SLC26A7: variants seen among roughly 807,000 people sequenced by gnomAD.
SLC26A7 encodes anion exchange transporter.
A neutral mutation model predicts 82.5 loss-of-function variants in SLC26A7; 59 were observed. The observed-to-expected ratio is 0.72, with a 90% CI of 0.58 to 0.89. The LOEUF (loss-of-function observed/expected upper bound fraction) is 0.89, where lower values mean the gene tolerates loss of function less well. Ranked by LOEUF, SLC26A7 falls within the 40% of genes least tolerant of loss-of-function variation. The pLI is 0.00. For missense variants in SLC26A7, 820 were observed against 793.0 expected (o/e 1.03, Z -0.41); for synonymous variants, 271 against 274.3 (o/e 0.99, Z 0.12).
chr8:91,267,689 A>G (rs1219056830), intron 2 of SLC26A7, among the ~76,000 whole-genome samples: 1 of 151,690 alleles, frequency 6.6e-6, no homozygotes, highest in African/African-American at 2.4e-5. Flanking sequence ...AATTTTGTCT[A>G]TCTTTAAGAA....
At chr8:91,367,359 G>A (rs1269944573) in intron 14 of SLC26A7, among the ~76,000 whole-genome samples, 1 of 152,182 alleles carries the variant, frequency 6.6e-6, no homozygotes, top group Non-Finnish European at 1.5e-5. Flanking sequence ...CTCTAAACGT[G>A]ATAGAATATG....
chr8:91,389,584 A>G (rs1273055120), intron 16 of SLC26A7, 146 bp downstream of exon 16: 1 of 669,346 alleles, frequency 1.5e-6, no homozygotes, highest in African/African-American at 1.8e-5. Context: ...AACTTTGCCT[A>G]CCATCACTGT....
At chr8:91,253,340 C>T (rs1810711008) in intron 2 of SLC26A7, among the ~76,000 whole-genome samples, 1 of 152,122 alleles carries the variant, frequency 6.6e-6, no homozygotes, top group South Asian at 2.1e-4. Flanking sequence ...TAGCATACGA[C>T]CAGCTGCCAG....
intron 15 of SLC26A7, among the ~76,000 whole-genome samples, chr8:91,388,633 G>A (rs1265511990): frequency 6.6e-6 from 1 of 152,084 alleles, no homozygotes; most frequent in Admixed American, 6.5e-5. Flanking sequence ...CTCCTCGGAG[G>A]GACCCCAAAT....
chr8:91,274,886 G>A (rs1211262239), intron 2 of SLC26A7, among the ~76,000 whole-genome samples: 1 of 152,160 alleles, frequency 6.6e-6, no homozygotes, highest in Non-Finnish European at 1.5e-5. Flanking sequence ...AAACAATTCG[G>A]TTAGACAAAT....
At chr8:91,212,524 G>T (rs1407453486) in intron 1 of SLC26A7, among the ~76,000 whole-genome samples, 2 of 152,112 alleles carry the variant, frequency 1.3e-5, no homozygotes, top group African/African-American at 4.8e-5. Flanking sequence ...ATGAAAATTT[G>T]TAACTTTAAT....
chr8:91,383,046 G>T (rs921248013), intron 15 of SLC26A7, among the ~76,000 whole-genome samples: 1 of 152,172 alleles, frequency 6.6e-6, no homozygotes, highest in East Asian at 1.9e-4. Context: ...TTAAAATTGA[G>T]ATTCAAGAGG....
At chr8:91,389,204 A>T in intron 15 of SLC26A7, 134 bp from the exon 16 acceptor site, 1 of 657,312 alleles carries the variant, frequency 1.5e-6, no homozygotes, top group South Asian at 1.9e-5. Flanking sequence ...TTTACTGAAA[A>T]ATGTAAAAAT....
At chr8:91,271,590 CTTTTTT>C (rs67904308) in intron 2 of SLC26A7, among the ~76,000 whole-genome samples, 1 of 113,716 alleles carries the variant, frequency 8.8e-6, no homozygotes, top group Non-Finnish European at 1.8e-5. Context: ...CTAGAGAAAT[CTTTTTT>C]TTTTTTTTTT....
intron 2 of SLC26A7, among the ~76,000 whole-genome samples, chr8:91,219,591 T>G (rs1047597934): frequency 1.3e-5 from 2 of 152,174 alleles, no homozygotes; most frequent in Non-Finnish European, 2.9e-5. Flanking sequence ...AGAATTGTGC[T>G]CATTTTCTTT....
Position 91,370,438 on chromosome 8 carries a change from T to G in SLC26A7, c.1675+605T>G, listed in dbSNP as rs77433792. On this transcript the variant is annotated intron_variant, in intron 15 of 18. Transcript: ENST00000276609. ...TTGAAATTCATGGCATTAGTGTAGT[T>G]TTAATATGGATGAGGATTTATCATG... Among the ~76,000 whole-genome samples the G allele has an allele frequency of 2.0e-5, 3 of 152,168 alleles. No homozygotes were observed. In the East Asian group the frequency reaches 5.8e-4, roughly 29 times the overall value.
chr8:91,306,359 A>G (rs1001263985), intron 4 of SLC26A7, among the ~76,000 whole-genome samples: 13 of 152,152 alleles, frequency 8.5e-5, no homozygotes, highest in African/African-American at 2.7e-4. Context: ...TCTAAAACCC[A>G]GCTGTTTGGT....
chr8:91,292,308 A>G (rs553393299), intron 3 of SLC26A7, among the ~76,000 whole-genome samples: 3 of 150,552 alleles, frequency 2.0e-5, no homozygotes, highest in African/African-American at 7.3e-5. Flanking sequence ...TCTGTCTCAA[A>G]AAAAAAAAAA....
At chr8:91,214,193 A>G (rs1809994100) in intron 1 of SLC26A7, among the ~76,000 whole-genome samples, 1 of 152,060 alleles carries the variant, frequency 6.6e-6, no homozygotes, top group South Asian at 2.1e-4. Context: ...GAAGGACAAT[A>G]TAAATTGTTG....
intron 9 of SLC26A7, among the ~76,000 whole-genome samples, chr8:91,347,790 C>A (rs1277041946): frequency 6.6e-6 from 1 of 152,118 alleles, no homozygotes; most frequent in Non-Finnish European, 1.5e-5. Context: ...TTACAGTGAC[C>A]CCCTTTAGAT....
intron 18 of SLC26A7, chr8:91,394,371 C>T: frequency 6.5e-7 from 1 of 1,544,276 alleles, no homozygotes; most frequent in Non-Finnish European, 8.7e-7. Flanking sequence ...CCACCTTTCT[C>T]AAATATAAAA....
In SLC26A7 at chr8:91,323,665, A is replaced by T. The variant is rs557744638; in HGVS notation, c.642+5285A>T. Among the ~76,000 whole-genome samples the T allele has an allele frequency of 2.4e-4, 37 of 152,272 alleles. No individual in the cohort carries two copies. In the East Asian group the frequency reaches 6.9e-3, roughly 29 times the overall value. On this transcript the variant is annotated intron_variant, in intron 5 of 18. Transcript: ENST00000276609. The stretch of plus-strand genomic sequence containing the variant: ...CAAATGGATTTATTCCAACTGTATC[A>T]TATAGTTATTGATTAGAAATTGGGG...
rs979091426 is a variant in SLC26A7 at position 91,304,938 on chromosome 8, A to G, written c.477+9235A>G. 7.2e-5 allele frequency among the ~76,000 whole-genome samples: 11 copies of G among 152,154 alleles called. No homozygotes were observed. The South Asian group carries it at 8.3e-4, about 11-fold the overall frequency. The stretch of plus-strand genomic sequence containing the variant: ...TCTTTCAAGGTTCAGCTCAAACATA[A>G]TCATCTCAGAGAAGCCTTCCCTGGA... On this transcript the variant is annotated intron_variant, in intron 4 of 18. Transcript: ENST00000276609.
intron 4 of SLC26A7, among the ~76,000 whole-genome samples, chr8:91,304,273 G>A (rs1812243328): frequency 6.6e-6 from 1 of 152,182 alleles, no homozygotes; most frequent in South Asian, 2.1e-4. Context: ...ATAATCCCCA[G>A]TGTTAGGAGA....
Sources: gnomAD v4.1 joint callset for allele counts (sites outside exome capture counted in the v4.1 genomes callset) on GRCh38, gnomAD v4.1.1 for gene constraint, MANE v1.5 for transcripts, NCBI Gene and HGNC (gene_info 2026-07-23, HGNC 2026-07-21) for gene names.